ASCC3: variants seen among roughly 807,000 people sequenced by gnomAD.
The protein encoded by ASCC3 is activating signal cointegrator 1 complex subunit 3, also known as ASC-1 complex subunit P200.
A neutral mutation model predicts 256.3 loss-of-function variants in ASCC3; 158 were observed. The observed-to-expected ratio is 0.62, with a 90% CI of 0.54 to 0.70. The LOEUF (loss-of-function observed/expected upper bound fraction) is 0.70. Among genes scored for constraint, ASCC3 ranks in the 30% least tolerant of loss-of-function variants. The probability of loss-of-function intolerance (pLI) is 0.00; values close to 1 mark genes in which losing one functional copy is unlikely to be tolerated. For missense variants in ASCC3, 2,259 were observed against 2,626.0 expected, an observed-to-expected ratio of 0.86 and a Z score of 3.05; for synonymous variants, 948 against 883.4, an observed-to-expected ratio of 1.07 and a Z score of -1.30.
intron 10 of ASCC3, among the ~76,000 whole-genome samples, chr6:100,731,690 T>C (rs989683690): frequency 1.3e-5 from 2 of 152,306 alleles, no homozygotes; most frequent in South Asian, 4.1e-4. Context: ...GTTTCCTTCA[T>C]TTATTGTAAA....
intron 34 of ASCC3, among the ~76,000 whole-genome samples, chr6:100,600,188 T>G (rs1772526078): frequency 7.4e-6 from 1 of 134,716 alleles, no homozygotes; most frequent in Non-Finnish European, 1.6e-5. Context: ...AACTCCCATC[T>G]ATACACACAT....
chr6:100,545,065 C>G (rs1775643101), intron 36 of ASCC3, among the ~76,000 whole-genome samples: 1 of 152,042 alleles, frequency 6.6e-6, no homozygotes, highest in Non-Finnish European at 1.5e-5. Context: ...ATTATCATCT[C>G]AGTTATACAG....
rs1418858052 is a variant in ASCC3, at chr6:100,798,872, T to A, written c.1270-34A>T. Reference sequence around the variant, plus strand: ...ATCAACAATAAAAATCCAATAATAATAAAAAATAAAACACTTGCTCTGGTA... The same window carrying A: ...ATCAACAATAAAAATCCAATAATAAAAAAAAATAAAACACTTGCTCTGGTA... On this transcript the variant is annotated intron_variant, in intron 7 of 41. Coordinates refer to ENST00000369162, the MANE Select transcript of ASCC3 (RefSeq NM_006828.4). The A allele has an allele frequency of 1.9e-6, 3 of 1,554,882 alleles. No individual in the cohort carries two copies. The East Asian group carries it at 6.8e-5, about 35-fold the overall frequency.
chr6:100,693,517 A>C (rs1777935116), intron 13 of ASCC3, among the ~76,000 whole-genome samples: 1 of 152,190 alleles, frequency 6.6e-6, no homozygotes, highest in East Asian at 1.9e-4. Flanking sequence ...ACAGTTGTTC[A>C]ATGAATAAGA....
chr6:100,728,282 G>A (rs998496291), intron 10 of ASCC3, among the ~76,000 whole-genome samples: 3 of 152,016 alleles, frequency 2.0e-5, no homozygotes, highest in African/African-American at 4.8e-5. Flanking sequence ...TAGACAGAGA[G>A]AAGTGACATC....
At chr6:100,795,479 G>A (rs1769566354) in intron 8 of ASCC3, among the ~76,000 whole-genome samples, 1 of 152,090 alleles carries the variant, frequency 6.6e-6, no homozygotes, top group Non-Finnish European at 1.5e-5. Flanking sequence ...CACATAGGCA[G>A]CTTTACTTCT....
chr6:100,633,127 T>C (rs1469283701), intron 25 of ASCC3, among the ~76,000 whole-genome samples: 1 of 152,222 alleles, frequency 6.6e-6, no homozygotes, highest in Non-Finnish European at 1.5e-5. Flanking sequence ...TTGTAGTCAA[T>C]TGTGGTCCAA....
At chr6:100,555,366 T>C (rs1769518502) in intron 36 of ASCC3, among the ~76,000 whole-genome samples, 1 of 152,222 alleles carries the variant, frequency 6.6e-6, no homozygotes, top group Non-Finnish European at 1.5e-5. Flanking sequence ...ACTTGTATCA[T>C]TGTCTTATAA....
At chr6:100,686,085 A>G (rs1777553671) in intron 13 of ASCC3, among the ~76,000 whole-genome samples, 1 of 152,218 alleles carries the variant, frequency 6.6e-6, no homozygotes, top group African/African-American at 2.4e-5. Context: ...CAAACACACT[A>G]GCCCATCACA....
At chr6:100,857,610 C>T (rs910857996) in intron 3 of ASCC3, 1 of 151,792 alleles carries the variant, frequency 6.6e-6, no homozygotes, top group African/African-American at 2.4e-5. Context: ...GAAAAAATAG[C>T]CTTGTCTCAC....
At chr6:100,828,743 G>C (rs1219651615) in intron 4 of ASCC3, among the ~76,000 whole-genome samples, 4 of 152,108 alleles carry the variant, frequency 2.6e-5, no homozygotes, top group Non-Finnish European at 5.9e-5. Flanking sequence ...TTTGTGGTGA[G>C]TGTTACAGCT....
chr6:100,843,778 C>A (rs1176660262), intron 4 of ASCC3, among the ~76,000 whole-genome samples: 1 of 151,810 alleles, frequency 6.6e-6, no homozygotes, highest in East Asian at 1.9e-4. Flanking sequence ...CTAAATAAGT[C>A]CCTGAATTAA....
intron 16 of ASCC3, among the ~76,000 whole-genome samples, chr6:100,657,877 AAAAAAT>A (rs1244181597): frequency 6.6e-6 from 1 of 151,542 alleles, no homozygotes; most frequent in Non-Finnish European, 1.5e-5. Context: ...ACCTAGTGAC[AAAAAAT>A]AAAAATGTAT....
intron 5 of ASCC3, among the ~76,000 whole-genome samples, chr6:100,803,278 G>A (rs768415619): frequency 6.6e-5 from 10 of 152,100 alleles, no homozygotes; most frequent in South Asian, 2.1e-4. Context: ...ATCCCCAGGT[G>A]TTGAGGGAGG....
intron 4 of ASCC3, among the ~76,000 whole-genome samples, chr6:100,813,858 G>A (rs1468635296): frequency 2.0e-5 from 3 of 152,040 alleles, no homozygotes; most frequent in South Asian, 2.1e-4. Flanking sequence ...CAACTATGGG[G>A]TTTTCTGGAT....
chr6:100,824,751 CTGATA>C (rs1178775294), intron 4 of ASCC3, among the ~76,000 whole-genome samples: 1 of 151,984 alleles, frequency 6.6e-6, no homozygotes, highest in South Asian at 2.1e-4. Context: ...TGTAAATAAT[CTGATA>C]TAATTTAAGA....
intron 30 of ASCC3, among the ~76,000 whole-genome samples, chr6:100,622,876 T>C (rs117420085): frequency 0.015 from 2,340 of 151,858 alleles, 23 homozygotes; most frequent in East Asian, 0.045. Context: ...ATTCTTTAGG[T>C]CTCATATATT....
intron 17 of ASCC3, 92 bp from the exon 18 acceptor site, chr6:100,652,981 T>TAAGA: frequency 7.9e-7 from 1 of 1,270,904 alleles, no homozygotes; most frequent in Non-Finnish European, 1.1e-6. Context: ...AAACTTTTCT[T>TAAGA]AATGTTTTAG....
At chr6:100,617,037 C>T (rs1773699637) in intron 30 of ASCC3, among the ~76,000 whole-genome samples, 1 of 152,022 alleles carries the variant, frequency 6.6e-6, no homozygotes, top group Non-Finnish European at 1.5e-5. Flanking sequence ...CAGAGTCTTG[C>T]TCTGTCACCC....
Sources: gnomAD v4.1 joint callset for allele counts (sites outside exome capture counted in the v4.1 genomes callset) on GRCh38, gnomAD v4.1.1 for gene constraint, MANE v1.5 for transcripts, NCBI Gene and HGNC (gene_info 2026-07-23, HGNC 2026-07-21) for gene names.